The following CACNA2D3 variants were observed in gnomAD, a reference collection of about 807,000 sequenced individuals.
CACNA2D3 encodes voltage-dependent calcium channel subunit alpha-2/delta-3.
A neutral mutation model predicts 160.6 loss-of-function variants in CACNA2D3; 60 were observed. The observed-to-expected ratio is 0.37, with a 90% CI of 0.30 to 0.46. The LOEUF (loss-of-function observed/expected upper bound fraction) is 0.46. CACNA2D3 is among the 20% of genes least tolerant of loss of function. CACNA2D3 has a pLI of 1.00. For missense variants in CACNA2D3, 1,205 were observed against 1,365.0 expected, an observed-to-expected ratio of 0.88 and a Z score of 1.85; for synonymous variants, 558 against 492.9, an observed-to-expected ratio of 1.13 and a Z score of -1.75.
chr3:54,683,962 CTTTTTTTT>C (rs61481695), intron 11 of CACNA2D3, among the ~76,000 whole-genome samples: 341 of 110,770 alleles, frequency 3.1e-3, no homozygotes, highest in East Asian at 0.022. Context: ...AAATTTCCAC[CTTTTTTTT>C]TTTTTTTTTT....
At chr3:55,013,020 C>T (rs112555907) in intron 34 of CACNA2D3, among the ~76,000 whole-genome samples, 1 of 152,138 alleles carries the variant, frequency 6.6e-6, no homozygotes, top group Non-Finnish European at 1.5e-5. Flanking sequence ...GAAAGGACCC[C>T]AAATAGATCA....
chr3:54,980,150 A>C (rs1320794291), intron 29 of CACNA2D3, among the ~76,000 whole-genome samples: 1 of 152,212 alleles, frequency 6.6e-6, no homozygotes, highest in East Asian at 1.9e-4. Flanking sequence ...GTGTACTATT[A>C]ATGTTAAATC....
intron 2 of CACNA2D3, among the ~76,000 whole-genome samples, chr3:54,237,375 C>T (rs1253827644): frequency 1.3e-5 from 2 of 150,986 alleles, no homozygotes; most frequent in Admixed American, 6.6e-5. Flanking sequence ...TTGTTTACTT[C>T]CCAGACCCAC....
In CACNA2D3 at chr3:54,149,877, G is replaced by GTGTCTCTCTCTCTCTCTC. The variant is rs757018890; in HGVS notation, c.204+26284_204+26285insGTCTCTCTCTCTCTCTCT. ...TAGTAACAGAGAGGGCTGTCCTGAA[G>GTGTCTCTCTCTCTCTCTC]TATCTGTCTCTCTCTCTCTCTCTCT... is the stretch of plus-strand genomic sequence containing the variant. On this transcript the variant is annotated intron_variant, in intron 2 of 37. Coordinates refer to ENST00000474759, the MANE Select transcript of CACNA2D3 (RefSeq NM_018398.3). Among the ~76,000 whole-genome samples the GTGTCTCTCTCTCTCTCTC allele has an allele frequency of 2.9e-4, 31 of 105,948 alleles. 3 individuals are homozygous for GTGTCTCTCTCTCTCTCTC. The highest frequency in any genetic ancestry group is 3.1e-4 in the South Asian group (1 of 3,194). The allele number at this position is 105,948 out of a possible 152,430, so 69.5% of individuals were successfully genotyped here.
chr3:54,507,153 T>G (rs1290174440), intron 5 of CACNA2D3, among the ~76,000 whole-genome samples: 1 of 152,162 alleles, frequency 6.6e-6, no homozygotes, highest in African/African-American at 2.4e-5. Flanking sequence ...TCATTTCCAT[T>G]TTCCACCTCT....
At chr3:55,051,693 C>T (rs973552760) in intron 35 of CACNA2D3, among the ~76,000 whole-genome samples, 7 of 152,264 alleles carry the variant, frequency 4.6e-5, no homozygotes, top group African/African-American at 1.7e-4. Context: ...GGCGGGCGCC[C>T]CTCCCCCAGC....
chr3:54,178,559 A>G (rs1320945902), intron 2 of CACNA2D3, among the ~76,000 whole-genome samples: 1 of 152,180 alleles, frequency 6.6e-6, no homozygotes. Context: ...ATCGTCACCA[A>G]CTGAGCTGTG....
At chr3:54,458,233 C>G (rs986031198) in intron 4 of CACNA2D3, among the ~76,000 whole-genome samples, 5 of 151,976 alleles carry the variant, frequency 3.3e-5, no homozygotes, top group African/African-American at 1.2e-4. Flanking sequence ...TTTTCTCTTA[C>G]TTCTATGTGT....
chr3:54,780,490 G>A (rs902212627), intron 13 of CACNA2D3, among the ~76,000 whole-genome samples: 2 of 152,202 alleles, frequency 1.3e-5, no homozygotes, highest in African/African-American at 2.4e-5. Context: ...GGTTTATGGG[G>A]AAGTGTGGAA....
intron 13 of CACNA2D3, among the ~76,000 whole-genome samples, chr3:54,805,581 G>A (rs561712793): frequency 1.3e-5 from 2 of 152,114 alleles, no homozygotes; most frequent in African/African-American, 4.8e-5. Flanking sequence ...ACCAAAAAGA[G>A]TCCAGGACCA....
chr3:54,140,275 C>T (rs1453079039), intron 2 of CACNA2D3, among the ~76,000 whole-genome samples: 1 of 152,172 alleles, frequency 6.6e-6, no homozygotes, highest in Non-Finnish European at 1.5e-5. Context: ...AATATTTGTC[C>T]AGCAGGCACA....
intron 3 of CACNA2D3, among the ~76,000 whole-genome samples, chr3:54,328,889 G>A (rs772907549): frequency 1.3e-5 from 2 of 152,202 alleles, no homozygotes; most frequent in Non-Finnish European, 2.9e-5. Flanking sequence ...TGGGGTGCCA[G>A]CTGTTTGGAG....
At chr3:55,026,991 G>GCACACACACACACA (rs57849063) in intron 35 of CACNA2D3, among the ~76,000 whole-genome samples, 1 of 150,926 alleles carries the variant, frequency 6.6e-6, no homozygotes, top group African/African-American at 2.4e-5. Context: ...GCGCATGCAC[G>GCACACACACACACA]CACACACACA....
chr3:54,729,401 C>T (rs1701341529), intron 11 of CACNA2D3, among the ~76,000 whole-genome samples: 1 of 152,160 alleles, frequency 6.6e-6, no homozygotes, highest in Admixed American at 6.5e-5. Flanking sequence ...TATTAGGATT[C>T]ATCTGACAGT....
intron 4 of CACNA2D3, among the ~76,000 whole-genome samples, chr3:54,496,132 T>A (rs1458255800): frequency 6.6e-6 from 1 of 152,214 alleles, no homozygotes; most frequent in Non-Finnish European, 1.5e-5. Flanking sequence ...AATATTTTTG[T>A]GGGCATATAT....
intron 11 of CACNA2D3, among the ~76,000 whole-genome samples, chr3:54,722,998 G>A (rs2081799): frequency 1.3e-5 from 2 of 152,146 alleles, no homozygotes; most frequent in Non-Finnish European, 2.9e-5. Context: ...ACCCATAGCC[G>A]CCCCCTCCGC....
intron 2 of CACNA2D3, among the ~76,000 whole-genome samples, chr3:54,317,036 AC>A (rs1703879018): frequency 6.6e-6 from 1 of 152,112 alleles, no homozygotes; most frequent in South Asian, 2.1e-4. Flanking sequence ...CGTTTGTTTT[AC>A]TCAGTCTTGA....
At chr3:54,781,387 G>T (rs1205389888) in intron 13 of CACNA2D3, among the ~76,000 whole-genome samples, 1 of 152,244 alleles carries the variant, frequency 6.6e-6, no homozygotes, top group Non-Finnish European at 1.5e-5. Flanking sequence ...CTCAGAATGT[G>T]TGGGCTTGAT....
intron 11 of CACNA2D3, among the ~76,000 whole-genome samples, chr3:54,728,037 A>T (rs1290010208): frequency 1.3e-5 from 2 of 152,040 alleles, no homozygotes; most frequent in Admixed American, 1.3e-4. Context: ...ACTGTTTAGA[A>T]TTTGTATTAT....
Sources: allele counts gnomAD v4.1 joint callset (sites outside exome capture counted in the v4.1 genomes callset), GRCh38; gene constraint gnomAD v4.1.1; transcripts MANE v1.5; gene names NCBI Gene and HGNC (gene_info 2026-07-23, HGNC 2026-07-21).